P3H2: variants seen among roughly 807,000 people sequenced by gnomAD.
P3H2 encodes the protein prolyl 3-hydroxylase 2.
Under a neutral mutation model 87.0 loss-of-function variants are expected in P3H2, and 80 were observed. The observed-to-expected ratio is 0.92, with a 90% CI of 0.77 to 1.11. The LOEUF (loss-of-function observed/expected upper bound fraction) is 1.11, where lower values mean the gene tolerates loss of function less well. P3H2 is among the 50% of genes least tolerant of loss of function. The pLI is 0.00. For missense variants in P3H2, 1,001 were observed against 923.9 expected (o/e 1.08, Z -1.08); for synonymous variants, 367 against 359.3 (o/e 1.02, Z -0.24).
In P3H2 at chr3:189,995,368, C is replaced by A. The variant is rs117688924; in HGVS notation, c.555G>T (p.Gln185His). Reference sequence around the variant, plus strand: ...TCGCCCTGTAATTCTCAATGTTCTGCTGCATTTCCATGTGCTCAGGGTTAG... The same window carrying A: ...TCGCCCTGTAATTCTCAATGTTCTGATGCATTTCCATGTGCTCAGGGTTAG... ...FVANPEHMEM[Q>H]QNIENYRATA... Residue 185 changes from glutamine (Q) to histidine (H), a missense_variant, in exon 2 of 15, where the codon CAG (glutamine) becomes CAT (histidine). By Grantham distance (24) the Gln-to-His change is conservative. Transcript: ENST00000319332. 1,366 of 1,614,062 alleles carry A rather than the reference C, an allele frequency of 8.5e-4. 5 individuals are homozygous for A. Among genetic ancestry groups the A allele is most frequent in the South Asian group, 6.4e-3 (582 of 91,084 alleles).
chr3:190,038,488 A>G (rs1295378304), intron 1 of P3H2, among the ~76,000 whole-genome samples: 16 of 7,072 alleles, frequency 2.3e-3, no homozygotes, highest in Non-Finnish European at 2.8e-3. Context: ...TGCAGAATGA[A>G]AAAAAAAAAA....
chr3:190,108,197 G>A lies in P3H2; in HGVS notation c.480+12055C>T, dbSNP rs143001662. ...GACATGGTCTTGCTCTGTCACCCTG[G>A]CTATAGTGCAGTGGTGCAATCATGG... On this transcript the variant is annotated intron_variant, in intron 1 of 14. Coordinates refer to ENST00000319332, the MANE Select transcript of P3H2 (RefSeq NM_018192.4). Among the ~76,000 whole-genome samples, 430 of 151,806 alleles carry A rather than the reference G, an allele frequency of 2.8e-3. 3 individuals are homozygous for A. Among genetic ancestry groups the A allele is most frequent in the African/African-American group, 0.01 (416 of 41,390 alleles).
chr3:190,115,732 A>C (rs944990289), intron 1 of P3H2, among the ~76,000 whole-genome samples: 1 of 152,206 alleles, frequency 6.6e-6, no homozygotes, highest in African/African-American at 2.4e-5. Flanking sequence ...CCAAACAACT[A>C]AAGTGAGAAA....
At position 189,980,291 on chromosome 3, in the gene P3H2, G is replaced by A. The variant is rs529205542; in HGVS notation, c.1324+2755C>T. Among the ~76,000 whole-genome samples the A allele has an allele frequency of 2.4e-4, 37 of 152,248 alleles. No individual in the cohort carries two copies. The South Asian group carries it at 6.2e-3, about 26-fold the overall frequency. On this transcript the variant is annotated intron_variant, in intron 8 of 14. Coordinates refer to ENST00000319332, the MANE Select transcript of P3H2 (RefSeq NM_018192.4). ...TTAAGATATGAAAATGTTGCTGGGC[G>A]TGGTGGCTCATGCCTGTAATCTCAG...
At chr3:190,091,794 G>A (rs1471640624) in intron 1 of P3H2, among the ~76,000 whole-genome samples, 5 of 152,196 alleles carry the variant, frequency 3.3e-5, no homozygotes. Context: ...GACATTCTCT[G>A]TGAAGTAGGA....
intron 13 of P3H2, among the ~76,000 whole-genome samples, chr3:189,970,259 G>T (rs2108907316): frequency 1.7e-5 from 2 of 116,382 alleles, no homozygotes; most frequent in African/African-American, 3.3e-5. Context: ...AGCTGCAGTG[G>T]GCATATTTAT....
Position 189,994,133 on chromosome 3 carries a change from A to C in P3H2, c.784T>G (p.Tyr262Asp). 1 of 1,613,594 alleles carries C rather than the reference A, an allele frequency of 6.2e-7. No individual in the cohort carries two copies. The highest frequency in any genetic ancestry group is 8.5e-7 in the Non-Finnish European group (1 of 1,179,798). Residue 262 changes from tyrosine (Y) to aspartate (D), a missense_variant, in exon 3 of 15, where the codon TAT (tyrosine) becomes GAT (aspartate). Physicochemically the swap from Tyr to Asp is radical, Grantham distance 160. Transcript: ENST00000319332. ...EGPQRFEEYE[Y>D]LGYKAGLYEA... ...TACAGACCAGCCTTATACCCTAAAT[A>C]CTCATATTCTTCAAATCTCTGAGGC...
chr3:189,975,662 G>A (rs898696940), intron 8 of P3H2, among the ~76,000 whole-genome samples: 5 of 152,156 alleles, frequency 3.3e-5, no homozygotes, highest in Admixed American at 1.3e-4. Context: ...TCACCAACAC[G>A]TTGGCCTAAA....
intron 13 of P3H2, chr3:189,969,838 AGTG>A: frequency 1.3e-6 from 2 of 1,550,082 alleles, no homozygotes; most frequent in Non-Finnish European, 1.8e-6. Flanking sequence ...TCTTCATGGC[AGTG>A]GTGGTGGTGC....
intron 1 of P3H2, among the ~76,000 whole-genome samples, chr3:190,012,528 C>T (rs966285780): frequency 2.0e-5 from 3 of 152,256 alleles, no homozygotes; most frequent in East Asian, 1.9e-4. Context: ...TTCTAAAATA[C>T]GGTCCTGATG....
At chr3:190,072,985 G>A (rs866307398) in intron 1 of P3H2, among the ~76,000 whole-genome samples, 7 of 152,092 alleles carry the variant, frequency 4.6e-5, no homozygotes, top group Admixed American at 2.6e-4. Flanking sequence ...TAACAGTCTG[G>A]TATCAGAGTA....
At chr3:190,022,912 C>G (rs1165280714) in intron 1 of P3H2, among the ~76,000 whole-genome samples, 1 of 152,016 alleles carries the variant, frequency 6.6e-6, no homozygotes, top group East Asian at 1.9e-4. Flanking sequence ...CTGCAAGTTC[C>G]ACCTCCCGGG....
At chr3:190,009,225 G>A (rs1210691662) in intron 1 of P3H2, among the ~76,000 whole-genome samples, 1 of 152,100 alleles carries the variant, frequency 6.6e-6, no homozygotes, top group Non-Finnish European at 1.5e-5. Flanking sequence ...AGTGGGGTGG[G>A]GTTTGAAAGT....
chr3:189,984,145 G>A (rs1216984122), intron 7 of P3H2, among the ~76,000 whole-genome samples: 2 of 151,980 alleles, frequency 1.3e-5, no homozygotes, highest in Non-Finnish European at 2.9e-5. Context: ...TAATATTTTA[G>A]CTATTTTAGT....
intron 1 of P3H2, among the ~76,000 whole-genome samples, chr3:190,060,185 G>A (rs965840852): frequency 6.6e-6 from 1 of 152,068 alleles, no homozygotes; most frequent in Non-Finnish European, 1.5e-5. Flanking sequence ...GAAATTCACT[G>A]CTTTGGAGGT....
intron 1 of P3H2, among the ~76,000 whole-genome samples, chr3:190,004,677 T>C (rs368839370): frequency 3.3e-4 from 51 of 152,320 alleles, no homozygotes; most frequent in African/African-American, 1.2e-3. Context: ...CCACCGCGCC[T>C]GGCCACGAAC....
intron 1 of P3H2, among the ~76,000 whole-genome samples, chr3:190,068,588 T>C (rs1005043708): frequency 6.6e-6 from 1 of 152,148 alleles, no homozygotes; most frequent in Non-Finnish European, 1.5e-5. Context: ...CTGGCAAAAA[T>C]ACATAGAGTA....
At chr3:190,010,488 ATTTG>A (rs1724551636) in intron 1 of P3H2, among the ~76,000 whole-genome samples, 1 of 152,044 alleles carries the variant, frequency 6.6e-6, no homozygotes, top group African/African-American at 2.4e-5. Flanking sequence ...TTGGTTTGTT[ATTTG>A]TTTGTTTTTG....
chr3:190,119,741 G>A (rs1029801484), intron 1 of P3H2, among the ~76,000 whole-genome samples: 1 of 152,188 alleles, frequency 6.6e-6, no homozygotes, highest in Non-Finnish European at 1.5e-5. Context: ...GGGGAGAAGA[G>A]AGAGAAATTT....
Sources: allele counts gnomAD v4.1 joint callset (sites outside exome capture counted in the v4.1 genomes callset), GRCh38; gene constraint gnomAD v4.1.1; transcripts MANE v1.5; gene names NCBI Gene and HGNC (gene_info 2026-07-23, HGNC 2026-07-21).